The following XPO1 variants were observed in gnomAD, a reference collection of about 807,000 sequenced individuals.
XPO1 encodes exportin-1.
A neutral mutation model predicts 133.3 loss-of-function variants in XPO1; 5 were observed. That is an observed-to-expected ratio of 0.04 (90% confidence interval 0.02 to 0.08). The LOEUF is 0.08. Ranked by LOEUF, XPO1 falls within the 10% of genes least tolerant of loss-of-function variation. The probability of loss-of-function intolerance (pLI) is 1.00; values close to 1 mark genes in which losing one functional copy is unlikely to be tolerated. For missense variants in XPO1, 506 were observed against 1,267.5 expected (o/e 0.40, Z 9.12); for synonymous variants, 419 against 408.2 (o/e 1.03, Z -0.32).
At chr2:61,488,102 T>C (rs1696786196) in intron 19 of XPO1, 63 bp downstream of exon 19, 3 of 1,401,768 alleles carry the variant, frequency 2.1e-6, no homozygotes, top group Non-Finnish European at 2.0e-6. Context: ...TAATAGAGTA[T>C]AGCATATTCC....
chr2:61,528,020 G>A (rs751344860), intron 2 of XPO1, among the ~76,000 whole-genome samples: 14 of 151,280 alleles, frequency 9.3e-5, no homozygotes, highest in South Asian at 4.2e-4. Context: ...TTCACCTCCC[G>A]GGTTCAAGCA....
intron 4 of XPO1, among the ~76,000 whole-genome samples, chr2:61,517,955 T>C (rs970364427): frequency 1.3e-5 from 2 of 151,766 alleles, no homozygotes; most frequent in Non-Finnish European, 2.9e-5. Context: ...GGCGAAACCC[T>C]GTCCTTACTA....
chr2:61,536,571 G>A (rs527404255), intron 1 of XPO1: 2 of 152,378 alleles, frequency 1.3e-5, no homozygotes, highest in East Asian at 3.9e-4. Flanking sequence ...CAAGGCGAAA[G>A]ACTGCTCCTT....
In XPO1 at chr2:61,478,731, A is replaced by G. The variant is rs2104190938; in HGVS notation, c.*89T>C. On this transcript the variant is annotated 3_prime_UTR_variant, in exon 25 of 25. Coordinates refer to ENST00000401558, the MANE Select transcript of XPO1 (RefSeq NM_003400.4). Reference sequence around the variant, plus strand: ...CCACTAGGTGACATTTTAATTTACAAATTGGCATCATTTTGGTCGACAAAT... The same window carrying G: ...CCACTAGGTGACATTTTAATTTACAGATTGGCATCATTTTGGTCGACAAAT... 1 of 1,393,064 alleles carries G rather than the reference A, an allele frequency of 7.2e-7. No homozygotes were observed. Among genetic ancestry groups the G allele is most frequent in the South Asian group, 1.4e-5 (1 of 69,304 alleles). The allele number at this position is 1,393,064 out of a possible 1,614,324, so 86.3% of individuals were successfully genotyped here.
chr2:61,521,793 T>C (rs1698703885), intron 4 of XPO1, among the ~76,000 whole-genome samples: 6 of 152,102 alleles, frequency 3.9e-5, no homozygotes, highest in Admixed American at 1.3e-4. Flanking sequence ...GTTTCGCTCG[T>C]TGCCCAGGCT....
intron 3 of XPO1, chr2:61,525,903 A>G (rs1698887913): frequency 9.5e-7 from 1 of 1,048,264 alleles, no homozygotes; most frequent in Non-Finnish European, 1.2e-6. Flanking sequence ...AGCCTAAAAC[A>G]GACAAAACAC....
intron 17 of XPO1, among the ~76,000 whole-genome samples, 183 bp downstream of exon 17, chr2:61,490,459 A>G (rs891916363): frequency 6.6e-6 from 1 of 152,136 alleles, no homozygotes; most frequent in Non-Finnish European, 1.5e-5. Context: ...TCGGCCTTCC[A>G]ATGTGCCAGG....
At chr2:61,516,894 T>TTTAA (rs768632579) in intron 4 of XPO1, among the ~76,000 whole-genome samples, 1 of 152,164 alleles carries the variant, frequency 6.6e-6, no homozygotes, top group African/African-American at 2.4e-5. Flanking sequence ...AAATGCCATT[T>TTTAA]TTAATTAATT....
intron 19 of XPO1, among the ~76,000 whole-genome samples, chr2:61,487,870 G>A (rs764180502): frequency 5.9e-5 from 9 of 152,040 alleles, no homozygotes; most frequent in Non-Finnish European, 1.2e-4. Flanking sequence ...AAACTGCACC[G>A]GTACTCCATT....
At chr2:61,506,078 C>G (rs2104568729) in intron 4 of XPO1, among the ~76,000 whole-genome samples, 1 of 152,194 alleles carries the variant, frequency 6.6e-6, no homozygotes, top group South Asian at 2.1e-4. Flanking sequence ...AAATCCCTTC[C>G]TCAAGGCTTG....
intron 3 of XPO1, among the ~76,000 whole-genome samples, chr2:61,523,841 C>G (rs1698799882): frequency 6.6e-6 from 1 of 152,148 alleles, no homozygotes; most frequent in South Asian, 2.1e-4. Context: ...ACATTTCACA[C>G]TCTTCAAGAA....
At chr2:61,512,899 G>A (rs1024283077) in intron 4 of XPO1, among the ~76,000 whole-genome samples, 1 of 152,070 alleles carries the variant, frequency 6.6e-6, no homozygotes, top group Non-Finnish European at 1.5e-5. Flanking sequence ...AAATTAGCCG[G>A]GTGTGGTGGT....
intron 11 of XPO1, chr2:61,494,322 A>C (rs1352125540): frequency 1.2e-5 from 5 of 422,494 alleles, no homozygotes; most frequent in Non-Finnish European, 1.7e-5. Context: ...ATGTATTTTT[A>C]TCATGTCTCC....
At chr2:61,491,927 GA>G in intron 16 of XPO1, 107 bp downstream of exon 16, 1 of 1,340,456 alleles carries the variant, frequency 7.5e-7, no homozygotes, top group Non-Finnish European at 1.0e-6. Context: ...AATTTAATCA[GA>G]AACACTTCTA....
At chr2:61,523,158 T>C (rs1052938657) in intron 3 of XPO1, among the ~76,000 whole-genome samples, 2 of 152,214 alleles carry the variant, frequency 1.3e-5, no homozygotes, top group Non-Finnish European at 2.9e-5. Context: ...AGATACTTTC[T>C]ATAGAAAGTG....
intron 3 of XPO1, chr2:61,525,922 C>T (rs890221074): frequency 1.7e-5 from 18 of 1,050,536 alleles, no homozygotes; most frequent in Non-Finnish European, 3.4e-6. Context: ...ACATTTTGAT[C>T]AACCCTTCTG....
chr2:61,514,722 T>C (rs1698279760), intron 4 of XPO1, among the ~76,000 whole-genome samples: 1 of 152,012 alleles, frequency 6.6e-6, no homozygotes, highest in Admixed American at 6.6e-5. Context: ...ACTTATACAC[T>C]GCTGGTGAGA....
At chr2:61,518,525 G>A (rs910540055) in intron 4 of XPO1, among the ~76,000 whole-genome samples, 36 of 151,510 alleles carry the variant, frequency 2.4e-4, no homozygotes, top group African/African-American at 7.5e-4. Context: ...GCTGAGGCAG[G>A]AGAATGGTGT....
chr2:61,537,483 G>GCGCCCCA (rs1699404775), intron 1 of XPO1, 79 bp downstream of exon 1: 2 of 147,188 alleles, frequency 1.4e-5, no homozygotes, highest in African/African-American at 2.5e-5. Flanking sequence ...CGCCGCCGCC[G>GCGCCCCA]CGCCCCACGC....
Sources: allele counts gnomAD v4.1 joint callset (sites outside exome capture counted in the v4.1 genomes callset), GRCh38; gene constraint gnomAD v4.1.1; transcripts MANE v1.5; gene names NCBI Gene and HGNC (gene_info 2026-07-23, HGNC 2026-07-21).